Variants in MCTP1 observed in about 807,000 individuals in gnomAD.
The protein encoded by MCTP1 is multiple C2 and transmembrane domain containing 1.
Under a neutral mutation model 120.6 loss-of-function variants are expected in MCTP1, and 69 were observed. That is an observed-to-expected ratio of 0.57 (90% CI 0.47 to 0.70). The LOEUF (loss-of-function observed/expected upper bound fraction) is 0.70. Among genes scored for constraint, MCTP1 ranks in the 30% least tolerant of loss-of-function variants. The probability of loss-of-function intolerance (pLI) is 0.00; values close to 1 mark genes in which losing one functional copy is unlikely to be tolerated. For missense variants in MCTP1, 1,203 were observed against 1,248.8 expected (o/e 0.96, Z 0.55); for synonymous variants, 529 against 493.1 (o/e 1.07, Z -0.96).
chr5:95,166,869 T>G (rs1245639532), intron 1 of MCTP1, among the ~76,000 whole-genome samples: 1 of 151,954 alleles, frequency 6.6e-6, no homozygotes, highest in Non-Finnish European at 1.5e-5. Flanking sequence ...GCACAGCCAT[T>G]TTAATCATTT....
intron 3 of MCTP1, among the ~76,000 whole-genome samples, chr5:94,945,600 C>T (rs962218826): frequency 1.3e-5 from 2 of 152,112 alleles, no homozygotes; most frequent in African/African-American, 2.4e-5. Flanking sequence ...TCAAAACAGT[C>T]AAAGTCTTTG....
chr5:95,052,076 G>T (rs1408755215), intron 1 of MCTP1, among the ~76,000 whole-genome samples: 1 of 152,080 alleles, frequency 6.6e-6, no homozygotes, highest in Non-Finnish European at 1.5e-5. Flanking sequence ...CTGCAAGAGG[G>T]TATCCTAAAA....
intron 1 of MCTP1, among the ~76,000 whole-genome samples, chr5:95,272,935 C>A (rs1459599133): frequency 6.6e-6 from 1 of 152,208 alleles, no homozygotes; most frequent in Admixed American, 6.5e-5. Flanking sequence ...GGCAAAGTCA[C>A]AATCACAGCC....
chr5:95,089,440 T>C (rs1755681891), intron 1 of MCTP1, among the ~76,000 whole-genome samples: 1 of 152,216 alleles, frequency 6.6e-6, no homozygotes. Flanking sequence ...AACCAAACTT[T>C]CAGTTAAACT....
At chr5:94,937,033 G>A (rs1401813406) in intron 5 of MCTP1, among the ~76,000 whole-genome samples, 1 of 152,030 alleles carries the variant, frequency 6.6e-6, no homozygotes, top group Non-Finnish European at 1.5e-5. Flanking sequence ...GGGTGAGTGA[G>A]ATCAGGACAG....
intron 17 of MCTP1, among the ~76,000 whole-genome samples, chr5:94,842,058 A>G (rs781564386): frequency 2.0e-5 from 3 of 152,240 alleles, no homozygotes; most frequent in Non-Finnish European, 4.4e-5. Context: ...ACACCAGGGG[A>G]TAATCTACTG....
intron 2 of MCTP1, among the ~76,000 whole-genome samples, chr5:94,966,541 A>G (rs1384809028): frequency 2.6e-5 from 4 of 152,128 alleles, no homozygotes; most frequent in Non-Finnish European, 4.4e-5. Flanking sequence ...CACGTCTGTA[A>G]TCCCAACACT....
At chr5:95,035,128 T>C (rs1352515869) in intron 1 of MCTP1, among the ~76,000 whole-genome samples, 2 of 152,054 alleles carry the variant, frequency 1.3e-5, no homozygotes, top group Non-Finnish European at 1.5e-5. Context: ...GGTGGGAATA[T>C]AAATTAGTAC....
At chr5:94,925,186 A>C (rs769605644) in intron 6 of MCTP1, among the ~76,000 whole-genome samples, 1 of 152,210 alleles carries the variant, frequency 6.6e-6, no homozygotes, top group Non-Finnish European at 1.5e-5. Context: ...CTAGAGTCTA[A>C]TGATAATAAC....
chr5:95,155,949 C>T (rs1745073499), intron 1 of MCTP1, among the ~76,000 whole-genome samples: 1 of 152,196 alleles, frequency 6.6e-6, no homozygotes, highest in Admixed American at 6.5e-5. Flanking sequence ...GCTTTGAAGA[C>T]ATAAGCTCCC....
At chr5:94,873,280 G>T in intron 12 of MCTP1, 39 bp from the exon 13 acceptor site, 1 of 1,169,966 alleles carries the variant, frequency 8.5e-7, no homozygotes, top group Non-Finnish European at 1.3e-6. Flanking sequence ...AGTGTACATA[G>T]CACCCACAGT....
At chr5:94,861,325 G>T (rs898414163) in intron 17 of MCTP1, among the ~76,000 whole-genome samples, 7 of 151,806 alleles carry the variant, frequency 4.6e-5, no homozygotes, top group African/African-American at 1.7e-4. Flanking sequence ...TTCTTGCTTG[G>T]TAAATTAACG....
intron 17 of MCTP1, among the ~76,000 whole-genome samples, chr5:94,829,670 G>T (rs778489827): frequency 2.6e-5 from 4 of 152,182 alleles, no homozygotes; most frequent in South Asian, 2.1e-4. Flanking sequence ...GGAAAAAGAT[G>T]TCCTAAAAGG....
At chr5:94,748,412 A>G (rs1254462782) in intron 19 of MCTP1, among the ~76,000 whole-genome samples, 1 of 152,168 alleles carries the variant, frequency 6.6e-6, no homozygotes, top group East Asian at 1.9e-4. Context: ...GCTCCCTGCC[A>G]ACTTTCTAAC....
At chr5:94,762,498 T>A (rs1354239570) in intron 19 of MCTP1, among the ~76,000 whole-genome samples, 5 of 152,206 alleles carry the variant, frequency 3.3e-5, no homozygotes, top group Admixed American at 6.5e-5. Flanking sequence ...AAAGATACTC[T>A]GTATGGACCT....
chr5:95,212,175 T>C (rs1752463704), intron 1 of MCTP1, among the ~76,000 whole-genome samples: 2 of 151,988 alleles, frequency 1.3e-5, no homozygotes, highest in Admixed American at 1.3e-4. Context: ...TAAAAGATGA[T>C]AAAGGGGACA....
At chr5:94,853,180 C>T (rs532690279) in intron 17 of MCTP1, among the ~76,000 whole-genome samples, 16 of 151,888 alleles carry the variant, frequency 1.1e-4, no homozygotes, top group African/African-American at 3.6e-4. Context: ...AAGGTGAACA[C>T]GAGGGTTGTG....
At chr5:94,731,762 A>T (rs543524779) in intron 19 of MCTP1, among the ~76,000 whole-genome samples, 2 of 152,384 alleles carry the variant, frequency 1.3e-5, no homozygotes, top group East Asian at 3.9e-4. Context: ...ACAAATAGAA[A>T]TACCATTCTG....
At chr5:94,868,901 C>T (rs1010262358) in intron 16 of MCTP1, among the ~76,000 whole-genome samples, 1 of 151,862 alleles carries the variant, frequency 6.6e-6, no homozygotes, top group Non-Finnish European at 1.5e-5. Flanking sequence ...TTTTTATAGA[C>T]AACAAAATGT....
Sources: allele counts gnomAD v4.1 joint callset (sites outside exome capture counted in the v4.1 genomes callset), GRCh38; gene constraint gnomAD v4.1.1; transcripts MANE v1.5; gene names NCBI Gene and HGNC (gene_info 2026-07-23, HGNC 2026-07-21).